The following SYT1 variants were observed in gnomAD, a reference collection of about 807,000 sequenced individuals.
The protein encoded by SYT1 is synaptotagmin 1.
In SYT1, 8 loss-of-function variants were observed where a neutral mutation model predicts 44.8. The observed-to-expected ratio is 0.18, with a 90% CI of 0.10 to 0.32. SYT1 has a LOEUF of 0.32. SYT1 is among the 10% of genes least tolerant of loss of function. The pLI is 1.00. For missense variants in SYT1, 286 were observed against 509.3 expected (o/e 0.56, Z 4.22); for synonymous variants, 154 against 188.8 (o/e 0.82, Z 1.51).
At chr12:78,880,324 T>C (rs1050945252) in intron 1 of SYT1, among the ~76,000 whole-genome samples, 25 of 151,720 alleles carry the variant, frequency 1.6e-4, no homozygotes, top group Non-Finnish European at 3.7e-4. Context: ...AAACCTTTTG[T>C]GTGTTTACTC....
chr12:78,982,989 A>G (rs561222579), intron 2 of SYT1, among the ~76,000 whole-genome samples: 5 of 152,250 alleles, frequency 3.3e-5, no homozygotes, highest in Non-Finnish European at 5.9e-5. Context: ...AGAGAGGTAG[A>G]CTATTAACAA....
rs532885368 is a variant in SYT1, at chr12:79,177,301, G to C, written c.-17-40202G>C. On this transcript the variant is annotated intron_variant, in intron 3 of 10. Transcript: ENST00000261205. ...TATGAGTGAGAATATGCGGTGTTTG[G>C]TTTTTTGTTCTTGCGATAGTTTACT... Among the ~76,000 whole-genome samples the C allele has an allele frequency of 6.2e-5, 3 of 48,186 alleles. No homozygotes were observed. The East Asian group carries it at 1.5e-3, about 24-fold the overall frequency. The allele number at this position is 48,186 out of a possible 152,430, so 31.6% of individuals were successfully genotyped here. A position where few individuals can be genotyped will look rare whatever the true frequency, so the allele number is the denominator to read the frequency against.
chr12:79,233,286 G>A (rs1461963790), intron 4 of SYT1, among the ~76,000 whole-genome samples: 2 of 152,272 alleles, frequency 1.3e-5, no homozygotes, highest in East Asian at 3.9e-4. Context: ...CAGAAAATAA[G>A]ATTAGTTCAT....
intron 3 of SYT1, among the ~76,000 whole-genome samples, chr12:79,047,590 C>T (rs528293554): frequency 1.3e-5 from 2 of 151,838 alleles, no homozygotes; most frequent in South Asian, 2.1e-4. Flanking sequence ...GGGCAGAAAA[C>T]GTTTATGATG....
At chr12:78,910,809 A>C (rs1332482307) in intron 1 of SYT1, among the ~76,000 whole-genome samples, 1 of 152,014 alleles carries the variant, frequency 6.6e-6, no homozygotes, top group East Asian at 1.9e-4. Context: ...AGTAGTGTAC[A>C]TGTGAGCTGA....
intron 8 of SYT1, among the ~76,000 whole-genome samples, chr12:79,351,004 T>G (rs186373641): frequency 6.6e-6 from 1 of 152,370 alleles, no homozygotes; most frequent in Admixed American, 6.5e-5. Context: ...CAATTTGGCA[T>G]ATCAATTACA....
Position 78,977,906 on chromosome 12 carries a change from A to T in SYT1, c.-109A>T, listed in dbSNP as rs1282869831. The T allele has an allele frequency of 6.6e-6, 1 of 152,234 alleles. No individual in the cohort carries two copies. Among genetic ancestry groups the T allele is most frequent in the Non-Finnish European group, 1.5e-5 (1 of 68,052 alleles). The allele number at this position is 152,234 out of a possible 1,614,324, so 9.4% of individuals were successfully genotyped here. The stretch of plus-strand genomic sequence containing the variant: ...ATTTGTCTACTGCCTCATTCCTGGA[A>T]ATTGCACTGGAACTGTCTGATTAAG... On this transcript the variant is annotated 5_prime_UTR_variant, in exon 2 of 11. Coordinates refer to ENST00000261205, the MANE Select transcript of SYT1 (RefSeq NM_005639.3).
intron 8 of SYT1, among the ~76,000 whole-genome samples, chr12:79,314,133 C>A (rs2138950394): frequency 7.4e-6 from 1 of 134,806 alleles, no homozygotes; most frequent in Non-Finnish European, 1.5e-5. Flanking sequence ...CGCGCCACTG[C>A]ACTCCAGCCT....
intron 1 of SYT1, among the ~76,000 whole-genome samples, chr12:78,874,276 C>G (rs1437013659): frequency 1.3e-5 from 2 of 151,602 alleles, no homozygotes; most frequent in Admixed American, 1.3e-4. Flanking sequence ...AGCCAATACT[C>G]AATCATAGGT....
chr12:78,951,467 C>T lies in SYT1; in HGVS notation c.-216-26332C>T, dbSNP rs1340828673. Among the ~76,000 whole-genome samples, 4 of 152,004 alleles carry T rather than the reference C, an allele frequency of 2.6e-5. No homozygotes were observed. In the East Asian group the frequency reaches 7.7e-4, roughly 29 times the overall value. Reference sequence around the variant, plus strand: ...GTCGACTATAAGGTGAAAATATAGTCCAAAGTTCATTTTGAGTTATAATAC... The same window carrying T: ...GTCGACTATAAGGTGAAAATATAGTTCAAAGTTCATTTTGAGTTATAATAC... On this transcript the variant is annotated intron_variant, in intron 1 of 10. Transcript: ENST00000261205.
chr12:79,302,844 A>G (rs1388808224), intron 8 of SYT1, among the ~76,000 whole-genome samples: 1 of 152,204 alleles, frequency 6.6e-6, no homozygotes, highest in Non-Finnish European at 1.5e-5. Context: ...GAGACAGGTC[A>G]ACATTTCTCT....
chr12:78,961,797 T>A (rs1879519430), intron 1 of SYT1, among the ~76,000 whole-genome samples: 1 of 152,104 alleles, frequency 6.6e-6, no homozygotes, highest in Non-Finnish European at 1.5e-5. Flanking sequence ...CATGGTATCC[T>A]TTTCTTTTCT....
intron 2 of SYT1, among the ~76,000 whole-genome samples, chr12:79,045,270 G>A (rs1005742707): frequency 1.3e-5 from 2 of 152,186 alleles, no homozygotes. Context: ...AGCAATCAGC[G>A]AGACTACGTG....
intron 4 of SYT1, among the ~76,000 whole-genome samples, chr12:79,270,830 G>A (rs759499680): frequency 6.6e-6 from 1 of 152,180 alleles, no homozygotes; most frequent in Non-Finnish European, 1.5e-5. Flanking sequence ...TTCTACTTGA[G>A]CTTAAGAACA....
intron 3 of SYT1, among the ~76,000 whole-genome samples, chr12:79,169,891 C>T (rs893917026): frequency 6.6e-6 from 1 of 152,012 alleles, no homozygotes; most frequent in African/African-American, 2.4e-5. Flanking sequence ...TTGTTCCCCT[C>T]TATGTGTCCA....
chr12:79,205,935 T>G (rs1245021210), intron 3 of SYT1, among the ~76,000 whole-genome samples: 1 of 152,204 alleles, frequency 6.6e-6, no homozygotes, highest in Non-Finnish European at 1.5e-5. Flanking sequence ...TACTCATATT[T>G]TCTCCTCATT....
At chr12:79,231,660 A>G (rs544132704) in intron 4 of SYT1, among the ~76,000 whole-genome samples, 1 of 152,304 alleles carries the variant, frequency 6.6e-6, no homozygotes, top group South Asian at 2.1e-4. Flanking sequence ...AATGCCTTGA[A>G]GGTAAAATGT....
At chr12:78,878,200 A>G (rs1184646086) in intron 1 of SYT1, among the ~76,000 whole-genome samples, 1 of 151,720 alleles carries the variant, frequency 6.6e-6, no homozygotes, top group Non-Finnish European at 1.5e-5. Flanking sequence ...CACGAAAGGA[A>G]TAAGGGATTA....
chr12:78,943,048 A>C (rs550113401), intron 1 of SYT1, among the ~76,000 whole-genome samples: 1 of 152,322 alleles, frequency 6.6e-6, no homozygotes, highest in South Asian at 2.1e-4. Flanking sequence ...TAAATATTCA[A>C]TGAGTATTCA....
Sources: gnomAD v4.1 joint callset for allele counts (sites outside exome capture counted in the v4.1 genomes callset) on GRCh38, gnomAD v4.1.1 for gene constraint, MANE v1.5 for transcripts, NCBI Gene and HGNC (gene_info 2026-07-23, HGNC 2026-07-21) for gene names.